ZBBX: variants seen among roughly 807,000 people sequenced by gnomAD.
The protein encoded by ZBBX is zinc finger B-box domain containing.
A neutral mutation model predicts 108.5 loss-of-function variants in ZBBX; 101 were observed. The ratio of observed to expected loss-of-function variants is 0.93; its 90% CI spans 0.79 to 1.10. The LOEUF is 1.10. Among genes scored for constraint, ZBBX ranks in the 50% least tolerant of loss-of-function variants. The probability of loss-of-function intolerance (pLI) is 0.00; values close to 1 mark genes in which losing one functional copy is unlikely to be tolerated. For missense variants in ZBBX, 1,009 were observed against 941.4 expected (o/e 1.07, Z -0.94); for synonymous variants, 356 against 323.4 (o/e 1.10, Z -1.08).
At chr3:167,233,740 T>C in the ZBBX span, among the ~76,000 whole-genome samples, 1 of 150,192 alleles carries the variant, frequency 6.7e-6, no homozygotes, top group East Asian at 1.9e-4. Context: ...ATTTGGGTTA[T>C]TTCTTGGAAT....
chr3:167,348,358 A>AAGAAAGAAAGAAAGAAAGAAAG (rs1553832924), intron 9 of ZBBX, among the ~76,000 whole-genome samples: 16 of 144,328 alleles, frequency 1.1e-4, no homozygotes, highest in Admixed American at 5.5e-4. Flanking sequence ...GAAAGAAAGA[A>AAGAAAGAAAGAAAGAAAGAAAG]AGAAAGAAAG....
chr3:167,256,440 T>C (rs1723526312), intron 20 of ZBBX, among the ~76,000 whole-genome samples: 2 of 149,234 alleles, frequency 1.3e-5, no homozygotes, highest in Non-Finnish European at 2.9e-5. Flanking sequence ...CAAGCACTTA[T>C]TATTTGAGTT....
At chr3:167,187,085 G>A in the ZBBX span, among the ~76,000 whole-genome samples, 1 of 152,002 alleles carries the variant, frequency 6.6e-6, no homozygotes, top group African/African-American at 2.4e-5. Flanking sequence ...TCTAAAATAG[G>A]GAAGGTTTGC....
intron 18 of ZBBX, among the ~76,000 whole-genome samples, chr3:167,297,309 A>T (rs896079354): frequency 7.9e-5 from 12 of 152,008 alleles, no homozygotes; most frequent in African/African-American, 2.7e-4. Context: ...GGTCTTTTCA[A>T]CAAATGGTGC....
At chr3:167,374,751 G>A (rs1363129016) in intron 2 of ZBBX, among the ~76,000 whole-genome samples, 9 of 151,936 alleles carry the variant, frequency 5.9e-5, no homozygotes, top group Admixed American at 5.9e-4. Flanking sequence ...AAATTATAAG[G>A]GCTATAAAAT....
chr3:167,192,581 A>C, the ZBBX span, among the ~76,000 whole-genome samples: 1 of 152,034 alleles, frequency 6.6e-6, no homozygotes, highest in South Asian at 2.1e-4. Context: ...TCTCTTGCTC[A>C]GCTCCTTTTT....
intron 20 of ZBBX, among the ~76,000 whole-genome samples, chr3:167,257,115 C>T (rs913859291): frequency 1.3e-5 from 2 of 152,150 alleles, no homozygotes; most frequent in African/African-American, 4.8e-5. Context: ...TCCCTTTTCT[C>T]CACATGCTTG....
rs985591277 is a variant in ZBBX, at chr3:167,317,121, C to T, written c.1094-16G>A. On this transcript the variant is annotated splice_polypyrimidine_tract_variant and intron_variant, in intron 13 of 21. Transcript: ENST00000675490. Reference sequence around the variant, plus strand: ...GTCTCCTCACCTAGGAAATAAGATTCACAAATAATATCATCAAAGAATATA... The same window carrying T: ...GTCTCCTCACCTAGGAAATAAGATTTACAAATAATATCATCAAAGAATATA... 4 of 1,462,118 alleles carry T rather than the reference C, an allele frequency of 2.7e-6. No individual in the cohort carries two copies. The highest frequency in any genetic ancestry group is 3.8e-6 in the Non-Finnish European group (4 of 1,050,724). 90.6% of individuals were successfully genotyped at this position (1,462,118 alleles called of 1,614,324 possible). A position where few individuals can be genotyped will look rare whatever the true frequency, so the allele number is the denominator to read the frequency against.
chr3:167,190,946 T>C, the ZBBX span, among the ~76,000 whole-genome samples: 10 of 152,184 alleles, frequency 6.6e-5, no homozygotes, highest in Non-Finnish European at 1.2e-4. Flanking sequence ...CATGGCTCAG[T>C]CCTGGCCTGA....
intron 17 of ZBBX, among the ~76,000 whole-genome samples, chr3:167,300,843 C>T (rs1576933973): frequency 6.6e-6 from 1 of 151,440 alleles, no homozygotes; most frequent in Non-Finnish European, 1.5e-5. Context: ...GTCTTGAACT[C>T]CTGACCTTGT....
chr3:167,229,655 C>A, the ZBBX span, among the ~76,000 whole-genome samples: 1 of 151,774 alleles, frequency 6.6e-6, no homozygotes, highest in Non-Finnish European at 1.5e-5. Context: ...ACTGCCACCT[C>A]CCATCCATCA....
At chr3:167,191,335 C>T in the ZBBX span, among the ~76,000 whole-genome samples, 1 of 152,190 alleles carries the variant, frequency 6.6e-6, no homozygotes, top group African/African-American at 2.4e-5. Flanking sequence ...TGCCACATTT[C>T]TGGATCTTCC....
rs374676119 is a variant in ZBBX at position 167,282,224 on chromosome 3, A to T, written c.2254+14T>A. 2.6e-5 allele frequency: 41 copies of T among 1,592,738 alleles called. No homozygotes were observed. Among genetic ancestry groups the T allele is most frequent in the Non-Finnish European group, 3.2e-5 (38 of 1,170,506 alleles). On this transcript the variant is annotated intron_variant, in intron 20 of 21. Transcript: ENST00000675490. ...AATTAGCATTATCTAAAGTGAAAAA[A>T]AAAATAGGATTACCTGCAAGAGATC...
chr3:167,348,863 A>T (rs933564680), intron 9 of ZBBX, among the ~76,000 whole-genome samples: 2 of 152,116 alleles, frequency 1.3e-5, no homozygotes, highest in African/African-American at 4.8e-5. Flanking sequence ...AAGATACAGG[A>T]TACATACACT....
At chr3:167,246,787 C>T (rs542927829) in intron 20 of ZBBX, among the ~76,000 whole-genome samples, 10 of 152,086 alleles carry the variant, frequency 6.6e-5, no homozygotes, top group African/African-American at 2.4e-4. Flanking sequence ...GTAAGTTATA[C>T]CAATATGTTA....
In ZBBX at chr3:167,330,868, G is replaced by GCAGAAGAAGAAGAAGA. The variant is rs1738381271; in HGVS notation, c.688-2753_688-2752insTCTTCTTCTTCTTCTG. ...AGAGGAGGAGGAGGAGGAGGAGGAG[G>GCAGAAGAAGAAGAAGA]AGGAGAAGAAGAAGAAGAAGAAGAA... is the stretch of plus-strand genomic sequence containing the variant. On this transcript the variant is annotated intron_variant, in intron 10 of 21. Transcript: ENST00000675490. Among the ~76,000 whole-genome samples the GCAGAAGAAGAAGAAGA allele has an allele frequency of 2.1e-4, 9 of 43,342 alleles. No homozygotes were observed. The Admixed American group carries it at 2.3e-3, about 11-fold the overall frequency. 28.4% of individuals were successfully genotyped at this position (43,342 alleles called of 152,430 possible).
chr3:167,260,724 C>T (rs1251222324), intron 20 of ZBBX, among the ~76,000 whole-genome samples: 3 of 152,132 alleles, frequency 2.0e-5, no homozygotes, highest in Non-Finnish European at 4.4e-5. Context: ...ATATTTCTCC[C>T]TTCACTTCTT....
chr3:167,327,973 G>C lies in ZBBX; in HGVS notation c.831C>G (p.Asn277Lys), dbSNP rs201322537. The C allele has an allele frequency of 6.8e-4, 1,032 of 1,509,934 alleles. No individual in the cohort carries two copies. The highest frequency in any genetic ancestry group is 8.8e-4 in the Non-Finnish European group (972 of 1,108,146). 93.5% of individuals were successfully genotyped at this position (1,509,934 alleles called of 1,614,324 possible). ...SQWRTGNHDD[N>K]KKQNLHAAVK... is the part of the protein sequence containing the mutation. ...CTGCTGCATGTAAATTCTGTTTCTT[G>C]TTGTCATCATGATTTCCGGTTCTCC... is the stretch of plus-strand genomic sequence containing the variant. The change falls in exon 11 of 22, where the codon AAC (asparagine) becomes AAG (lysine). Residue 277 changes from asparagine to lysine, a missense_variant. Transcript: ENST00000675490.
At chr3:167,367,961 T>C (rs1054471010) in intron 5 of ZBBX, among the ~76,000 whole-genome samples, 1 of 20,204 alleles carries the variant, frequency 4.9e-5, no homozygotes, top group African/African-American at 1.5e-4. Context: ...ATTCTGATTA[T>C]ATATATGTAT....
Sources: gnomAD v4.1 joint callset for allele counts (sites outside exome capture counted in the v4.1 genomes callset) on GRCh38, gnomAD v4.1.1 for gene constraint, MANE v1.5 for transcripts, NCBI Gene and HGNC (gene_info 2026-07-23, HGNC 2026-07-21) for gene names.